CFHR4: variants seen among roughly 807,000 people sequenced by gnomAD.
CFHR4 encodes complement factor H related 4, also known as complement factor H-related protein 4.
Under a neutral mutation model 69.3 loss-of-function variants are expected in CFHR4, and 64 were observed. The observed-to-expected ratio is 0.92, with a 90% confidence interval of 0.76 to 1.14. The LOEUF (loss-of-function observed/expected upper bound fraction) is 1.14, where lower values mean the gene tolerates loss of function less well. CFHR4 is among the 50% of genes most tolerant of loss of function. CFHR4 has a pLI of 0.00. For missense variants in CFHR4, 636 were observed against 684.9 expected, an observed-to-expected ratio of 0.93 and a Z score of 0.80; for synonymous variants, 244 against 237.0, an observed-to-expected ratio of 1.03 and a Z score of -0.27.
At chr1:196,890,157 G>A (rs1045291696) in intron 1 of CFHR4, among the ~76,000 whole-genome samples, 1 of 151,178 alleles carries the variant, frequency 6.6e-6, no homozygotes, top group Admixed American at 6.6e-5. Flanking sequence ...TATTTTAGAG[G>A]GTATTTATCA....
intron 1 of CFHR4, among the ~76,000 whole-genome samples, chr1:196,896,710 C>T (rs1402960438): frequency 6.6e-6 from 1 of 151,346 alleles, no homozygotes. Flanking sequence ...CCAAGTCATC[C>T]CTAGAAGTTG....
chr1:196,902,639 T>C (rs1328688558), intron 2 of CFHR4, 24 bp downstream of exon 2: 1 of 1,538,898 alleles, frequency 6.5e-7, no homozygotes, highest in Admixed American at 1.7e-5. Context: ...TTTACAAGAA[T>C]ATGTGCATAA....
rs547990679 is a variant in CFHR4 at position 196,913,040 on chromosome 1, T to C, written c.1180+118T>C. On this transcript the variant is annotated intron_variant, in intron 7 of 9. Transcript: ENST00000608469. The stretch of plus-strand genomic sequence containing the variant: ...TTAGGAGTAAAGAGATACAAATACT[T>C]CTAAAACCATTCAACATTCTGTGCC... 1.3e-4 allele frequency: 204 copies of C among 1,522,336 alleles called. 4 individuals are homozygous for C. The South Asian group carries it at 2.4e-3, about 18-fold the overall frequency. 94.3% of individuals were successfully genotyped at this position (1,522,336 alleles called of 1,614,324 possible).
intron 8 of CFHR4, 22 bp downstream of exon 8, chr1:196,914,693 T>A: frequency 1.3e-6 from 2 of 1,563,682 alleles, no homozygotes; most frequent in Non-Finnish European, 1.7e-6. Context: ...ATTCAAGTAT[T>A]TTTTATTAGA....
intron 7 of CFHR4, among the ~76,000 whole-genome samples, chr1:196,913,521 T>C (rs1237394531): frequency 1.3e-5 from 2 of 151,554 alleles, no homozygotes; most frequent in Admixed American, 1.3e-4. Flanking sequence ...ATGGATTCTT[T>C]ACATGTAAAG....
intron 5 of CFHR4, 41 bp downstream of exon 5, chr1:196,907,539 T>G: frequency 6.6e-7 from 1 of 1,526,152 alleles, no homozygotes. Context: ...ATTAGAGTAA[T>G]AACTTTGATC....
rs1656833889 is a variant in CFHR4 at position 196,888,281 on chromosome 1, T to C, written c.58+73T>C. On this transcript the variant is annotated intron_variant, in intron 1 of 9. Transcript: ENST00000608469. ...TTCGTGTAATATCTAACTTCATATG[T>C]CTATAATTTTTTTATAAATCTGATA... 2.1e-6 allele frequency: 3 copies of C among 1,457,738 alleles called. 1 individual carries two copies. The highest frequency in any genetic ancestry group is 2.9e-6 in the Non-Finnish European group (3 of 1,044,818). The allele number at this position is 1,457,738 out of a possible 1,614,324, so 90.3% of individuals were successfully genotyped here.
intron 6 of CFHR4, 107 bp downstream of exon 6, chr1:196,910,585 G>C: frequency 1.1e-6 from 1 of 918,332 alleles, no homozygotes; most frequent in Non-Finnish European, 1.6e-6. Context: ...TGGTACCAAA[G>C]GAAGAGTTGT....
intron 2 of CFHR4, among the ~76,000 whole-genome samples, chr1:196,903,654 A>G (rs1558242742): frequency 6.6e-6 from 1 of 150,852 alleles, no homozygotes; most frequent in Non-Finnish European, 1.5e-5. Flanking sequence ...CTCTGTCTCA[A>G]GAAAAGAAAA....
At chr1:196,888,384 CATAAT>C (rs1414723546) in intron 1 of CFHR4, among the ~76,000 whole-genome samples, 176 bp downstream of exon 1, 1 of 151,118 alleles carries the variant, frequency 6.6e-6, no homozygotes, top group Non-Finnish European at 1.5e-5. Context: ...AAAAATATCT[CATAAT>C]TTAAAGAAAA....
intron 1 of CFHR4, 132 bp from the exon 2 acceptor site, chr1:196,902,286 A>T: frequency 1.5e-6 from 1 of 657,104 alleles, no homozygotes. Context: ...GGATTTCTGT[A>T]ACTTTTCTTG....
chr1:196,911,026 A>G (rs1039156821), intron 6 of CFHR4, among the ~76,000 whole-genome samples: 2 of 151,460 alleles, frequency 1.3e-5, no homozygotes, highest in Non-Finnish European at 2.9e-5. Flanking sequence ...TCAAATGTGC[A>G]GACCACAGTT....
Position 196,912,890 on chromosome 1 carries a change from A to C in CFHR4, c.1148A>C (p.Gln383Pro), listed in dbSNP as rs1487907921. The C allele has an allele frequency of 6.2e-7, 1 of 1,611,824 alleles. No homozygotes were observed. The highest frequency in any genetic ancestry group is 1.7e-5 in the Admixed American group (1 of 59,904). Reference sequence around the variant, plus strand: ...TCTTCAGGTTCAATTACATGTTTGCAAAATGGATGGTCAGCACAACCAATT... The same window carrying C: ...TCTTCAGGTTCAATTACATGTTTGCCAAATGGATGGTCAGCACAACCAATT... ...GNSSGSITCL[Q>P]NGWSAQPICI... Residue 383 changes from glutamine (Q) to proline (P), a missense_variant, in exon 7 of 10, where the codon CAA becomes CCA. Physicochemically the swap from Gln to Pro is moderately conservative, Grantham distance 76 (BLOSUM62 -1). Transcript: ENST00000608469.
At chr1:196,912,031 T>C (rs1571445501) in intron 6 of CFHR4, among the ~76,000 whole-genome samples, 3 of 151,440 alleles carry the variant, frequency 2.0e-5, no homozygotes, top group African/African-American at 7.3e-5. Context: ...GAAAAGAACA[T>C]ATACATTACT....
intron 2 of CFHR4, among the ~76,000 whole-genome samples, chr1:196,902,961 A>G (rs1657703396): frequency 6.6e-6 from 1 of 151,514 alleles, no homozygotes; most frequent in Non-Finnish European, 1.5e-5. Context: ...TCTTATTTAA[A>G]TGTTCCAAAA....
intron 7 of CFHR4, among the ~76,000 whole-genome samples, chr1:196,913,943 C>G (rs1443871206): frequency 6.6e-6 from 1 of 151,358 alleles, no homozygotes; most frequent in Non-Finnish European, 1.5e-5. Context: ...TTATCATGGG[C>G]TCTGTGTAAA....
At chr1:196,890,524 T>G (rs1184908426) in intron 1 of CFHR4, among the ~76,000 whole-genome samples, 1 of 151,640 alleles carries the variant, frequency 6.6e-6, no homozygotes, top group Admixed American at 6.6e-5. Context: ...TAATTTAAAA[T>G]AGGTTGTCAG....
At position 196,888,203 on chromosome 1, in the gene CFHR4, G is replaced by C. The variant is rs776432281; in HGVS notation, c.53G>C (p.Gly18Ala). The C allele has an allele frequency of 6.2e-7, 1 of 1,610,938 alleles. No homozygotes were observed. The highest frequency in any genetic ancestry group is 1.1e-5 in the South Asian group (1 of 91,010). Reference protein sequence around the residue: ...ILTLWVSCANGQEVKPCDFPE... With the variant: ...ILTLWVSCANAQEVKPCDFPE... ...ACCTTGTGGGTTTCCTGTGCTAATGGACAAGGTAAGTTGAAAGAGATCTAA... is the reference window on the plus strand; with the variant it reads ...ACCTTGTGGGTTTCCTGTGCTAATGCACAAGGTAAGTTGAAAGAGATCTAA... Residue 18 changes from glycine (G) to alanine (A), a missense_variant, in exon 1 of 10, where the codon GGA becomes GCA. Physicochemically the swap from Gly to Ala is moderately conservative, Grantham distance 60. Coordinates refer to ENST00000608469, the MANE Select transcript of CFHR4 (RefSeq NM_001201550.3).
intron 5 of CFHR4, among the ~76,000 whole-genome samples, chr1:196,909,085 A>T (rs1002131037): frequency 3.3e-5 from 5 of 151,598 alleles, no homozygotes; most frequent in African/African-American, 1.2e-4. Flanking sequence ...ATCTTTGAAC[A>T]TGATTTCATA....
Sources: gnomAD v4.1 joint callset for allele counts (sites outside exome capture counted in the v4.1 genomes callset) on GRCh38, gnomAD v4.1.1 for gene constraint, MANE v1.5 for transcripts, NCBI Gene and HGNC (gene_info 2026-07-23, HGNC 2026-07-21) for gene names.